The following TAFA4 variants were observed in gnomAD, a reference collection of about 807,000 sequenced individuals.
TAFA4 encodes the protein chemokine-like protein TAFA-4.
In TAFA4, 20 loss-of-function variants were observed where a neutral mutation model predicts 21.1. The ratio of observed to expected loss-of-function variants is 0.95; its 90% CI spans 0.67 to 1.38. The LOEUF (loss-of-function observed/expected upper bound fraction) is 1.38. TAFA4 is among the 40% of genes most tolerant of loss of function. The pLI is 0.00. For missense variants in TAFA4, 211 were observed against 180.9 expected, an observed-to-expected ratio of 1.17 and a Z score of -0.95; for synonymous variants, 71 against 67.4, an observed-to-expected ratio of 1.05 and a Z score of -0.26.
chr3:68,858,577 CGTGT>C lies in TAFA4; in HGVS notation c.130+22149_130+22152del, dbSNP rs4065047. Among the ~76,000 whole-genome samples the C allele has an allele frequency of 6.0e-3, 883 of 146,124 alleles. 6 individuals are homozygous for C. The highest frequency in any genetic ancestry group is 0.011 in the African/African-American group (432 of 39,658). ...ATGTACTAGGTACTATTCCAAGTGA[CGTGT>C]GTGTGTGTGTGTGTGTGTGTGTGTG... On this transcript the variant is annotated intron_variant, in intron 3 of 5. Transcript: ENST00000295569.
intron 3 of TAFA4, among the ~76,000 whole-genome samples, chr3:68,822,856 T>C (rs770553833): frequency 6.6e-6 from 1 of 152,242 alleles, no homozygotes; most frequent in African/African-American, 2.4e-5. Flanking sequence ...CTCTCAATTC[T>C]ACTCTAAAAT....
intron 3 of TAFA4, among the ~76,000 whole-genome samples, chr3:68,832,130 C>T (rs893090370): frequency 3.9e-5 from 6 of 152,166 alleles, no homozygotes; most frequent in African/African-American, 1.2e-4. Context: ...AGAACATGCT[C>T]CTTTAGCTTG....
chr3:68,930,385 T>G (rs1337088498), intron 1 of TAFA4, among the ~76,000 whole-genome samples: 1 of 152,182 alleles, frequency 6.6e-6, no homozygotes, highest in Non-Finnish European at 1.5e-5. Flanking sequence ...GCCACTGCTT[T>G]TCTGGACAGG....
At chr3:68,931,321 C>T (rs964403335) in intron 1 of TAFA4, among the ~76,000 whole-genome samples, 2 of 152,094 alleles carry the variant, frequency 1.3e-5, no homozygotes, top group African/African-American at 2.4e-5. Flanking sequence ...GGCTAGGTCT[C>T]GGCGAGTCCG....
chr3:68,925,041 C>T (rs2090094499), intron 1 of TAFA4, among the ~76,000 whole-genome samples: 1 of 152,202 alleles, frequency 6.6e-6, no homozygotes, highest in Admixed American at 6.5e-5. Flanking sequence ...TCACAGCCAT[C>T]CTCTGGCTTG....
intron 3 of TAFA4, among the ~76,000 whole-genome samples, chr3:68,852,897 A>T (rs1332265308): frequency 1.3e-5 from 2 of 152,138 alleles, no homozygotes; most frequent in Non-Finnish European, 2.9e-5. Flanking sequence ...AAGAAAATCT[A>T]CCTCATCTAC....
intron 1 of TAFA4, among the ~76,000 whole-genome samples, chr3:68,924,878 C>A (rs1048489694): frequency 4.6e-5 from 7 of 152,150 alleles, no homozygotes; most frequent in African/African-American, 1.7e-4. Context: ...CCTCTCTAAC[C>A]CCCACTGGTA....
intron 3 of TAFA4, among the ~76,000 whole-genome samples, chr3:68,788,075 A>G (rs765806903): frequency 6.6e-6 from 1 of 152,246 alleles, no homozygotes; most frequent in Non-Finnish European, 1.5e-5. Flanking sequence ...TTGATCCATT[A>G]TAGCCCCAGA....
chr3:68,746,358 G>C (rs1422171884), intron 4 of TAFA4, among the ~76,000 whole-genome samples: 1 of 151,948 alleles, frequency 6.6e-6, no homozygotes, highest in East Asian at 1.9e-4. Context: ...TATCCTATTA[G>C]TCCCGTCCCT....
chr3:68,898,453 C>G (rs975092024), intron 1 of TAFA4, among the ~76,000 whole-genome samples: 3 of 152,176 alleles, frequency 2.0e-5, no homozygotes, highest in Non-Finnish European at 4.4e-5. Context: ...AGGAGACCAG[C>G]CCGGCCAACA....
At chr3:68,918,484 C>T (rs2090026981) in intron 1 of TAFA4, among the ~76,000 whole-genome samples, 1 of 152,142 alleles carries the variant, frequency 6.6e-6, no homozygotes, top group Non-Finnish European at 1.5e-5. Flanking sequence ...GTTTTCATTG[C>T]AAGCTATGTC....
chr3:68,735,585 A>T (rs1211162700), intron 5 of TAFA4, among the ~76,000 whole-genome samples: 1 of 152,128 alleles, frequency 6.6e-6, no homozygotes, highest in African/African-American at 2.4e-5. Flanking sequence ...TGATAGCATT[A>T]AATTATTATT....
chr3:68,917,071 A>G (rs1316826390), intron 1 of TAFA4, among the ~76,000 whole-genome samples: 1 of 152,158 alleles, frequency 6.6e-6, no homozygotes, highest in East Asian at 1.9e-4. Context: ...TGTATTGCAT[A>G]TATCCATTTT....
At chr3:68,907,430 C>G (rs1559559812) in intron 1 of TAFA4, among the ~76,000 whole-genome samples, 1 of 152,110 alleles carries the variant, frequency 6.6e-6, no homozygotes, top group African/African-American at 2.4e-5. Context: ...TGAGCTGAAC[C>G]CGGCAGAAAA....
chr3:68,810,183 T>C (rs147568824), intron 3 of TAFA4, among the ~76,000 whole-genome samples: 324 of 152,300 alleles, frequency 2.1e-3, no homozygotes, highest in Non-Finnish European at 2.9e-3. Context: ...ATTTCAACAA[T>C]AGTAATTCTG....
intron 3 of TAFA4, among the ~76,000 whole-genome samples, chr3:68,757,756 A>G (rs1003122177): frequency 6.6e-6 from 1 of 152,192 alleles, no homozygotes; most frequent in East Asian, 1.9e-4. Context: ...TGATTTTAAG[A>G]TACATATTTT....
intron 3 of TAFA4, among the ~76,000 whole-genome samples, chr3:68,814,474 G>C (rs1445012655): frequency 6.6e-6 from 1 of 152,088 alleles, no homozygotes; most frequent in African/African-American, 2.4e-5. Flanking sequence ...CAAAGTCTCA[G>C]GATACAAAAT....
intron 3 of TAFA4, among the ~76,000 whole-genome samples, chr3:68,816,388 T>G (rs1703976899): frequency 6.6e-6 from 1 of 152,224 alleles, no homozygotes; most frequent in Admixed American, 6.5e-5. Flanking sequence ...TTCTTCAAAT[T>G]CTTTCATCAG....
At chr3:68,734,935 C>T (rs1301007088) in intron 5 of TAFA4, among the ~76,000 whole-genome samples, 2 of 152,136 alleles carry the variant, frequency 1.3e-5, no homozygotes, top group East Asian at 3.9e-4. Flanking sequence ...TGGACAACTT[C>T]ACTGAAGTTG....
Sources: gnomAD v4.1 joint callset for allele counts (sites outside exome capture counted in the v4.1 genomes callset) on GRCh38, gnomAD v4.1.1 for gene constraint, MANE v1.5 for transcripts, NCBI Gene and HGNC (gene_info 2026-07-23, HGNC 2026-07-21) for gene names.